The following SDF2 variants were observed in gnomAD, a reference collection of about 807,000 sequenced individuals.
The protein encoded by SDF2 is stromal cell-derived factor 2.
A neutral mutation model predicts 20.5 loss-of-function variants in SDF2; 12 were observed. The observed-to-expected ratio is 0.58, with a 90% CI of 0.37 to 0.95. The LOEUF (loss-of-function observed/expected upper bound fraction) is 0.95. Ranked by LOEUF, SDF2 falls within the 40% of genes least tolerant of loss-of-function variation. The pLI is 0.01. For synonymous variants in SDF2, 100 were observed against 101.0 expected (o/e 0.99, Z 0.06); for missense variants, 238 against 263.1 (o/e 0.90, Z 0.66).
rs143512042 is a variant in SDF2, at chr17:28,655,303, G to A, written c.332C>T (p.Pro111Leu). ...RNLHSHHFTS[P>L]LSGNQEVSAF... ...CCACCTCACCTGGTTTCCAGAAAGA[G>A]GTGAAGTGAAGTGGTGACTATGGAG... The change falls in exon 2 of 3, where the codon CCT becomes CTT. Residue 111 changes from proline to leucine, a missense_variant. By Grantham distance (98) the Pro-to-Leu change is moderately conservative. Coordinates refer to ENST00000247020, the MANE Select transcript of SDF2 (RefSeq NM_006923.4). The A allele has an allele frequency of 9.5e-5, 154 of 1,614,074 alleles. 1 individual carries two copies. Among genetic ancestry groups the A allele is most frequent in the Non-Finnish European group, 2.1e-5 (25 of 1,180,058 alleles).
intron 1 of SDF2, among the ~76,000 whole-genome samples, chr17:28,659,698 G>A (rs1445601859): frequency 6.7e-6 from 1 of 148,758 alleles, no homozygotes; most frequent in Non-Finnish European, 1.5e-5. Flanking sequence ...CCGGGCAGAG[G>A]TGCTCCTCAC....
chr17:28,661,102 AAGC>A, intron 1 of SDF2: 1 of 405,528 alleles, frequency 2.5e-6, no homozygotes, highest in South Asian at 1.8e-5. Flanking sequence ...AAAAAAAAAA[AAGC>A]AGTTTTCTCT....
At position 28,655,273 on chromosome 17, in the gene SDF2, G is replaced by C. The variant is rs771299392; in HGVS notation, c.348+14C>G. 2 of 1,613,316 alleles carry C rather than the reference G, an allele frequency of 1.2e-6. No individual in the cohort carries two copies. The highest frequency in any genetic ancestry group is 1.7e-6 in the Non-Finnish European group (2 of 1,179,634). ...TAATGCAGAGCAGCAACAATCCATC[G>C]AAAGCCACCTCACCTGGTTTCCAGA... On this transcript the variant is annotated intron_variant, in intron 2 of 2. Transcript: ENST00000247020.
chr17:28,651,208 T>C (rs577807305), intron 2 of SDF2, among the ~76,000 whole-genome samples: 110 of 152,334 alleles, frequency 7.2e-4, no homozygotes, highest in African/African-American at 2.4e-3. Context: ...ATTACAGGCA[T>C]GTGCTACCAC....
At chr17:28,656,643 G>A (rs1373249267) in intron 1 of SDF2, among the ~76,000 whole-genome samples, 1 of 152,066 alleles carries the variant, frequency 6.6e-6, no homozygotes, top group Non-Finnish European at 1.5e-5. Flanking sequence ...ATATGATAAA[G>A]TATACTTAAG....
In SDF2 at chr17:28,649,941, TTTTA is replaced by T. The variant is rs750927167; in HGVS notation, c.349-669_349-666del. ...ATTCAGCTGCTTTCCAGTGTTGTTATTTTATTTATTTATTTATTTATTTATTTTG... is the reference window on the plus strand; with the variant it reads ...ATTCAGCTGCTTTCCAGTGTTGTTATTTTATTTATTTATTTATTTATTTTG... On this transcript the variant is annotated intron_variant, in intron 2 of 2. Transcript: ENST00000247020. Among the ~76,000 whole-genome samples, 332 of 151,074 alleles carry T rather than the reference TTTTA, an allele frequency of 2.2e-3. 2 individuals carry two copies. Among genetic ancestry groups the T allele is most frequent in the African/African-American group, 7.1e-3 (292 of 41,206 alleles).
rs374193982 is a variant in SDF2, at chr17:28,648,666, G to T, written c.*323C>A. On this transcript the variant is annotated 3_prime_UTR_variant, in exon 3 of 3. Coordinates refer to ENST00000247020, the MANE Select transcript of SDF2 (RefSeq NM_006923.4). ...ATCACATACATTAACAGTCCATGAT[G>T]CCAAGCTCCTGAAGAGTAAAAGTTT... is the stretch of plus-strand genomic sequence containing the variant. 5.3e-5 allele frequency: 19 copies of T among 358,002 alleles called. No individual in the cohort carries two copies. The East Asian group carries it at 9.9e-4, about 19-fold the overall frequency. The allele number at this position is 358,002 out of a possible 1,614,324, so 22.2% of individuals were successfully genotyped here. A position where few individuals can be genotyped will look rare whatever the true frequency, so the allele number is the denominator to read the frequency against.
intron 1 of SDF2, chr17:28,661,092 A>AAC: frequency 5.0e-6 from 2 of 396,758 alleles, no homozygotes; most frequent in Non-Finnish European, 9.7e-6. Context: ...CTAAAAAAAA[A>AAC]AAAAAAAAAA....
At chr17:28,651,206 C>CA (rs1241419168) in intron 2 of SDF2, among the ~76,000 whole-genome samples, 10 of 152,316 alleles carry the variant, frequency 6.6e-5, no homozygotes, top group Admixed American at 3.9e-4. Flanking sequence ...GGATTACAGG[C>CA]ATGTGCTACC....
chr17:28,656,147 A>G (rs905197020), intron 1 of SDF2: 4 of 152,154 alleles, frequency 2.6e-5, no homozygotes, highest in Non-Finnish European at 5.9e-5. Flanking sequence ...ACAACATTAA[A>G]ATATTTATAA....
chr17:28,651,982 A>C (rs2071918035), intron 2 of SDF2, among the ~76,000 whole-genome samples: 1 of 152,174 alleles, frequency 6.6e-6, no homozygotes, highest in South Asian at 2.1e-4. Flanking sequence ...AGGACGATCT[A>C]TGTGGTAATG....
chr17:28,654,175 A>T (rs1042957329), intron 2 of SDF2, among the ~76,000 whole-genome samples: 1 of 152,056 alleles, frequency 6.6e-6, no homozygotes, highest in Non-Finnish European at 1.5e-5. Context: ...TTAGCCAGGC[A>T]TGGTGGCGTG....
At position 28,655,404 on chromosome 17, in the gene SDF2, G is replaced by A. The variant is rs775680467; in HGVS notation, c.231C>T (p.Ala77=). The change falls in exon 2 of 3, where the codon GCC becomes GCT. Residue 77 remains alanine, a synonymous_variant. Transcript: ENST00000247020. The part of the protein sequence containing the change: ...NSYWRIRGKS[A]TVCERGTPIK... ...TGGGGGTTCCCCTCTCACACACTGT[G>A]GCACTCTTCCCCCGTATCCTCCAGT... is the stretch of plus-strand genomic sequence containing the variant. 1 of 1,614,208 alleles carries A rather than the reference G, an allele frequency of 6.2e-7. No homozygotes were observed. Among genetic ancestry groups the A allele is most frequent in the East Asian group, 2.2e-5 (1 of 44,884 alleles).
intron 2 of SDF2, among the ~76,000 whole-genome samples, chr17:28,650,039 G>A (rs1329843461): frequency 3.3e-5 from 5 of 151,772 alleles, no homozygotes; most frequent in African/African-American, 9.7e-5. Context: ...CACAACCTCC[G>A]CCTCCCAGGT....
chr17:28,658,777 T>G (rs551960090), intron 1 of SDF2, among the ~76,000 whole-genome samples: 2 of 151,284 alleles, frequency 1.3e-5, no homozygotes, highest in Non-Finnish European at 3.0e-5. Context: ...GTCTCTTCGG[T>G]GCTGTTGGGT....
At chr17:28,657,398 ATATG>A (rs966241888) in intron 1 of SDF2, among the ~76,000 whole-genome samples, 3 of 151,336 alleles carry the variant, frequency 2.0e-5, no homozygotes, top group Non-Finnish European at 1.5e-5. Flanking sequence ...ACATATATAT[ATATG>A]TATTTTTTTT....
chr17:28,660,022 C>T (rs895446594), intron 1 of SDF2, among the ~76,000 whole-genome samples: 14 of 152,216 alleles, frequency 9.2e-5, no homozygotes, highest in Non-Finnish European at 1.3e-4. Context: ...GCAGATCACT[C>T]GAGGTCAGGA....
In SDF2 at chr17:28,655,334, G is replaced by C; in HGVS notation, c.301C>G (p.Arg101Gly). 1 of 1,614,194 alleles carries C rather than the reference G, an allele frequency of 6.2e-7. No homozygotes were observed. The highest frequency in any genetic ancestry group is 8.5e-7 in the Non-Finnish European group (1 of 1,180,038). ...PIRLTHVNTG[R>G]NLHSHHFTSP... ...GTGAAGTGGTGACTATGGAGGTTTC[G>C]GCCAGTGTTGACATGTGTCAGCCGG... Residue 101 changes from arginine to glycine, a missense_variant, in exon 2 of 3, where the codon CGA (arginine) becomes GGA (glycine). Coordinates refer to ENST00000247020, the MANE Select transcript of SDF2 (RefSeq NM_006923.4).
At chr17:28,652,853 G>A (rs554480485) in intron 2 of SDF2, among the ~76,000 whole-genome samples, 1 of 152,274 alleles carries the variant, frequency 6.6e-6, no homozygotes, top group Admixed American at 6.5e-5. Context: ...AACACAATGG[G>A]ATACTGCCAA....
Sources: allele counts gnomAD v4.1 joint callset (sites outside exome capture counted in the v4.1 genomes callset), GRCh38; gene constraint gnomAD v4.1.1; transcripts MANE v1.5; gene names NCBI Gene and HGNC (gene_info 2026-07-23, HGNC 2026-07-21).